The following BRAP variants were observed in gnomAD, a reference collection of about 807,000 sequenced individuals.
The protein encoded by BRAP is BRCA1 associated protein, also known as BRCA1-associated protein.
BRAP carries 42 observed loss-of-function variants against 73.4 expected under a neutral mutation model. The observed-to-expected ratio is 0.57, with a 90% CI of 0.45 to 0.74. The LOEUF (loss-of-function observed/expected upper bound fraction) is 0.74, where lower values mean the gene tolerates loss of function less well. Among genes scored for constraint, BRAP ranks in the 30% least tolerant of loss-of-function variants. BRAP has a pLI of 0.00. For synonymous variants in BRAP, 255 were observed against 267.4 expected (o/e 0.95, Z 0.45); for missense variants, 593 against 751.4 (o/e 0.79, Z 2.46).
intron 11 of BRAP, 122 bp from the exon 12 acceptor site, chr12:111,644,684 C>A: frequency 7.0e-7 from 1 of 1,424,198 alleles, no homozygotes. Context: ...ACCCCTTTCT[C>A]CCATCGTGAG....
intron 2 of BRAP, among the ~76,000 whole-genome samples, chr12:111,682,123 G>A (rs1393841675): frequency 1.3e-5 from 2 of 152,146 alleles, no homozygotes; most frequent in Non-Finnish European, 2.9e-5. Flanking sequence ...AATCCTAACT[G>A]GGACAAACAT....
chr12:111,664,870 A>C (rs2135912725), intron 6 of BRAP, among the ~76,000 whole-genome samples: 1 of 152,296 alleles, frequency 6.6e-6, no homozygotes, highest in Admixed American at 6.5e-5. Context: ...GCCACTTCTC[A>C]GGTGGTCCTG....
chr12:111,681,583 C>CA (rs368877992), intron 3 of BRAP, 54 bp downstream of exon 3: 201,643 of 1,106,452 alleles, frequency 0.18, 2,570 homozygotes, highest in African/African-American at 0.27. Flanking sequence ...TAAAGCAAAG[C>CA]AAAAAAAAAA....
rs1394396286 is a variant in BRAP, at chr12:111,644,540, C to G, written c.1438G>C (p.Val480Leu). The G allele has an allele frequency of 1.2e-6, 2 of 1,613,620 alleles. No homozygotes were observed. Among genetic ancestry groups the G allele is most frequent in the Non-Finnish European group, 1.7e-6 (2 of 1,179,704 alleles). The change falls in exon 12 of 12, where the codon GTG becomes CTG. Residue 480 changes from valine to leucine, a missense_variant. Around this residue, in one of 4 missense-constraint regions of BRAP, gnomAD observed 143 missense variants for 190.4 expected, o/e 0.75. Coordinates refer to ENST00000419234, the MANE Select transcript of BRAP (RefSeq NM_006768.5). ...ERKCTQLNTK[V>L]AKLTNELKEE... ...TTGAGCTCGTTGGTGAGTTTGGCCACTTTTGTGTTTAGCTGAGTGCACCTT... is the reference window on the plus strand; with the variant it reads ...TTGAGCTCGTTGGTGAGTTTGGCCAGTTTTGTGTTTAGCTGAGTGCACCTT...
intron 5 of BRAP, among the ~76,000 whole-genome samples, chr12:111,669,688 T>C (rs1566122881): frequency 6.6e-6 from 1 of 152,128 alleles, no homozygotes; most frequent in East Asian, 1.9e-4. Flanking sequence ...AAATTACCTC[T>C]AATTTTGAAC....
intron 11 of BRAP, among the ~76,000 whole-genome samples, chr12:111,646,540 C>T (rs776652009): frequency 5.9e-5 from 9 of 152,052 alleles, no homozygotes; most frequent in African/African-American, 1.7e-4. Context: ...TTTGGGAGGC[C>T]GAGGAGGGTG....
chr12:111,670,137 GCTTT>G (rs1234326905), intron 5 of BRAP: 9 of 617,874 alleles, frequency 1.5e-5, no homozygotes, highest in Non-Finnish European at 2.5e-5. Flanking sequence ...TATTGTTGAT[GCTTT>G]CTTTGTCATC....
At chr12:111,654,757 T>C (rs933551688) in intron 10 of BRAP, among the ~76,000 whole-genome samples, 1 of 152,224 alleles carries the variant, frequency 6.6e-6, no homozygotes, top group African/African-American at 2.4e-5. Context: ...AGCCCAGCTC[T>C]GTACTGCCTA....
chr12:111,644,383 T>TG lies in BRAP; in HGVS notation c.1594dup (p.Gln532ProfsTer4). ...CAGGTAGAACATGACGTCACGCAGC[T>TG]GCTCCTGGATCTCGGTGATCTGCAG... On this transcript the variant is annotated frameshift_variant, in exon 12 of 12. Coordinates refer to ENST00000419234, the MANE Select transcript of BRAP (RefSeq NM_006768.5). LOFTEE classifies it high-confidence loss of function. 1 of 1,613,998 alleles carries TG rather than the reference T, an allele frequency of 6.2e-7. No homozygotes were observed. The highest frequency in any genetic ancestry group is 8.5e-7 in the Non-Finnish European group (1 of 1,179,986).
chr12:111,649,619 A>C (rs1006708958), intron 11 of BRAP, among the ~76,000 whole-genome samples: 1 of 152,226 alleles, frequency 6.6e-6, no homozygotes, highest in Non-Finnish European at 1.5e-5. Flanking sequence ...TCTCGTTCCT[A>C]ACTGCCAGTT....
chr12:111,685,517 C>A, intron 1 of BRAP, 194 bp downstream of exon 1: 2 of 1,282,010 alleles, frequency 1.6e-6, no homozygotes, highest in South Asian at 1.8e-5. Flanking sequence ...AGGTTCGGGG[C>A]AGGGCTTCCC....
chr12:111,642,168 T>A lies in BRAP; in HGVS notation c.*2031A>T, dbSNP rs138921549. The A allele has an allele frequency of 1.3e-5, 2 of 152,278 alleles. No homozygotes were observed. The highest frequency in any genetic ancestry group is 2.9e-5 in the Non-Finnish European group (2 of 68,026). The allele number at this position is 152,278 out of a possible 1,614,324, so 9.4% of individuals were successfully genotyped here. A position where few individuals can be genotyped will look rare whatever the true frequency, so the allele number is the denominator to read the frequency against. On this transcript the variant is annotated 3_prime_UTR_variant, in exon 12 of 12. Transcript: ENST00000419234. ...GAATAATTTCAAAGTTTGGCTATTTTAATTCAATTTCATTGTTCAAGGTAG... is the reference window on the plus strand; with the variant it reads ...GAATAATTTCAAAGTTTGGCTATTTAAATTCAATTTCATTGTTCAAGGTAG...
chr12:111,662,341 G>A (rs994479650), intron 6 of BRAP, among the ~76,000 whole-genome samples: 1 of 151,792 alleles, frequency 6.6e-6, no homozygotes, highest in Non-Finnish European at 1.5e-5. Flanking sequence ...ACCTAAGGTC[G>A]GGAGTTTAAG....
intron 11 of BRAP, among the ~76,000 whole-genome samples, chr12:111,645,672 T>C (rs150800668): frequency 2.5e-4 from 38 of 152,250 alleles, no homozygotes; most frequent in African/African-American, 7.5e-4. Flanking sequence ...AAGTAAAGAA[T>C]TGCAAATGAA....
chr12:111,671,565 C>T (rs920626912), intron 5 of BRAP, among the ~76,000 whole-genome samples: 13 of 150,076 alleles, frequency 8.7e-5, no homozygotes, highest in African/African-American at 2.2e-4. Flanking sequence ...CAAAACAAAA[C>T]GGAATCAAGA....
intron 5 of BRAP, among the ~76,000 whole-genome samples, chr12:111,671,147 TTAAAA>T (rs1887156232): frequency 6.6e-6 from 1 of 151,788 alleles, no homozygotes; most frequent in Non-Finnish European, 1.5e-5. Flanking sequence ...AAAATATATC[TTAAAA>T]TAAAGAGCTG....
At chr12:111,661,279 GTTTT>G (rs144136043) in intron 6 of BRAP, among the ~76,000 whole-genome samples, 183 of 119,008 alleles carry the variant, frequency 1.5e-3, no homozygotes, top group African/African-American at 5.3e-3. Context: ...CTCCCAGCTT[GTTTT>G]TTTTTTTTTT....
intron 10 of BRAP, among the ~76,000 whole-genome samples, chr12:111,652,667 A>G (rs905021007): frequency 2.2e-4 from 33 of 152,166 alleles, no homozygotes; most frequent in Non-Finnish European, 2.9e-5. Flanking sequence ...GCTTGAGCCC[A>G]GGAGTTGGAG....
Position 111,665,606 on chromosome 12 carries a change from T to G in BRAP, c.896+33A>C. The G allele has an allele frequency of 6.2e-7, 1 of 1,610,838 alleles. No homozygotes were observed. The highest frequency in any genetic ancestry group is 8.5e-7 in the Non-Finnish European group (1 of 1,177,084). ...TAATTCTGGAAGGGTTGCAATGGGC[T>G]TGTACACAGAGGGGTTCGGCCCCTG... On this transcript the variant is annotated intron_variant, in intron 6 of 11. Transcript: ENST00000419234. This position sits in a 1 kb window ranked among gnomAD's most constrained non-coding sequence, Gnocchi z 4.3.
Sources: allele counts gnomAD v4.1 joint callset (sites outside exome capture counted in the v4.1 genomes callset), GRCh38; gene constraint gnomAD v4.1.1; regional missense constraint gnomAD v4.1.1; non-coding constraint Gnocchi (gnomAD v3.1); transcripts MANE v1.5; gene names NCBI Gene and HGNC (gene_info 2026-07-23, HGNC 2026-07-21).